The following TMEM45A variants were observed in gnomAD, a reference collection of about 807,000 sequenced individuals.
TMEM45A encodes the protein DNA polymerase-transactivated protein 4.
TMEM45A carries 25 observed loss-of-function variants against 32.0 expected under a neutral mutation model. The observed-to-expected ratio is 0.78, with a 90% CI of 0.57 to 1.09. TMEM45A has a LOEUF of 1.09. Among genes scored for constraint, TMEM45A ranks in the 50% least tolerant of loss-of-function variants. The probability of loss-of-function intolerance (pLI) is 0.00; values close to 1 mark genes in which losing one functional copy is unlikely to be tolerated. For synonymous variants in TMEM45A, 122 were observed against 114.8 expected (o/e 1.06, Z -0.40); for missense variants, 302 against 325.0 (o/e 0.93, Z 0.54).
intron 4 of TMEM45A, among the ~76,000 whole-genome samples, chr3:100,564,481 T>C (rs1243495065): frequency 6.6e-6 from 1 of 151,790 alleles, no homozygotes; most frequent in East Asian, 1.9e-4. Flanking sequence ...ATTGTTTTTT[T>C]TTTTTTTCCT....
intron 1 of TMEM45A, chr3:100,519,247 T>G: frequency 2.7e-6 from 1 of 370,622 alleles, no homozygotes; most frequent in Non-Finnish European, 5.0e-6. Context: ...CTCCCAGCAT[T>G]GTTAGCTACT....
Position 100,577,141 on chromosome 3 carries a change from A to C in TMEM45A, c.*123A>C. ...GGATGACTCTAAGTGTACTGTTTGC[A>C]TTTCCAATTTGGTTAAAGTATTTGA... On this transcript the variant is annotated 3_prime_UTR_variant, in exon 6 of 6. Coordinates refer to ENST00000323523, the MANE Select transcript of TMEM45A (RefSeq NM_018004.3). The C allele has an allele frequency of 2.9e-6, 2 of 691,910 alleles. No individual in the cohort carries two copies. The highest frequency in any genetic ancestry group is 2.3e-6 in the Non-Finnish European group (1 of 429,864). The allele number at this position is 691,910 out of a possible 1,614,324, so 42.9% of individuals were successfully genotyped here.
intron 1 of TMEM45A, among the ~76,000 whole-genome samples, chr3:100,506,841 C>G (rs1008221429): frequency 2.0e-5 from 3 of 152,112 alleles, no homozygotes; most frequent in Non-Finnish European, 4.4e-5. Context: ...GCAGTAAGGA[C>G]CAAACCAGGC....
chr3:100,534,185 T>C (rs1433917624), intron 1 of TMEM45A, among the ~76,000 whole-genome samples: 1 of 152,230 alleles, frequency 6.6e-6, no homozygotes, highest in Non-Finnish European at 1.5e-5. Context: ...AGATCCTCGG[T>C]CTGACTGTCA....
chr3:100,523,530 T>C (rs907046087), intron 1 of TMEM45A, among the ~76,000 whole-genome samples: 5 of 152,322 alleles, frequency 3.3e-5, no homozygotes, highest in East Asian at 1.9e-4. Flanking sequence ...AGAAATTCCA[T>C]TGGGTTCTGT....
intron 1 of TMEM45A, among the ~76,000 whole-genome samples, chr3:100,532,668 G>A (rs750271141): frequency 6.6e-6 from 1 of 152,250 alleles, no homozygotes; most frequent in Non-Finnish European, 1.5e-5. Flanking sequence ...TAGTTGTTAC[G>A]GTGAGTTTTT....
chr3:100,576,455 TA>T (rs536144767), intron 5 of TMEM45A, among the ~76,000 whole-genome samples: 5 of 150,336 alleles, frequency 3.3e-5, no homozygotes, highest in Non-Finnish European at 7.4e-5. Flanking sequence ...AAACTCCGTT[TA>T]AAAAAAAATA....
intron 1 of TMEM45A, among the ~76,000 whole-genome samples, chr3:100,511,442 C>T (rs1708158231): frequency 6.6e-6 from 1 of 151,150 alleles, no homozygotes. Flanking sequence ...TTGTCACCAC[C>T]AGGCCTGCCC....
At chr3:100,534,587 C>T (rs1445967906) in intron 1 of TMEM45A, among the ~76,000 whole-genome samples, 1 of 152,180 alleles carries the variant, frequency 6.6e-6, no homozygotes, top group East Asian at 1.9e-4. Flanking sequence ...GAACGTGGCC[C>T]TGCCAGCACC....
chr3:100,501,088 T>C (rs1167237435), intron 1 of TMEM45A, among the ~76,000 whole-genome samples: 1 of 152,234 alleles, frequency 6.6e-6, no homozygotes, highest in African/African-American at 2.4e-5. Context: ...AAAAATACGA[T>C]ATGCTTAAGG....
At chr3:100,495,177 T>C (rs1707905396) in intron 1 of TMEM45A, among the ~76,000 whole-genome samples, 1 of 152,132 alleles carries the variant, frequency 6.6e-6, no homozygotes. Context: ...GAGAGAGTCT[T>C]GAATGAGGAG....
intron 1 of TMEM45A, among the ~76,000 whole-genome samples, chr3:100,505,296 C>G (rs1708064022): frequency 6.6e-6 from 1 of 152,224 alleles, no homozygotes; most frequent in South Asian, 2.1e-4. Flanking sequence ...GTTCATTTAG[C>G]AACAGACAGC....
At chr3:100,540,446 A>C (rs1387689044) in intron 1 of TMEM45A, among the ~76,000 whole-genome samples, 2 of 152,236 alleles carry the variant, frequency 1.3e-5, no homozygotes, top group African/African-American at 4.8e-5. Context: ...GATGCCCATC[A>C]TCATATGTCA....
At chr3:100,515,633 A>AT (rs1708250022) in intron 1 of TMEM45A, among the ~76,000 whole-genome samples, 2 of 66,108 alleles carry the variant, frequency 3.0e-5, no homozygotes, top group African/African-American at 2.2e-4. Flanking sequence ...TATAATAATA[A>AT]AAAAAAAAAA....
intron 1 of TMEM45A, among the ~76,000 whole-genome samples, chr3:100,498,454 C>G (rs79085608): frequency 6.6e-6 from 1 of 152,332 alleles, no homozygotes; most frequent in East Asian, 1.9e-4. Flanking sequence ...TGCCTTTGAA[C>G]TTGAGACTAC....
intron 1 of TMEM45A, among the ~76,000 whole-genome samples, chr3:100,527,617 C>T (rs573641199): frequency 6.6e-6 from 1 of 152,296 alleles, no homozygotes; most frequent in East Asian, 1.9e-4. Flanking sequence ...TTCCAGATCT[C>T]TCTCCATCCT....
In TMEM45A at chr3:100,560,875, C is replaced by T. The variant is rs1227447299; in HGVS notation, c.588+2286C>T. On this transcript the variant is annotated intron_variant, in intron 4 of 5. Transcript: ENST00000323523. ...GAGGAAGCTGTGGGTTATACCTCAA[C>T]TGGGAATAGGTTGGCTTAGTGTTGC... Among the ~76,000 whole-genome samples, 7 of 152,302 alleles carry T rather than the reference C, an allele frequency of 4.6e-5. No homozygotes were observed. The East Asian group carries it at 1.3e-3, about 29-fold the overall frequency.
At chr3:100,509,669 C>A (rs1576259939) in intron 1 of TMEM45A, among the ~76,000 whole-genome samples, 1 of 152,184 alleles carries the variant, frequency 6.6e-6, no homozygotes, top group Admixed American at 6.5e-5. Context: ...GTGAGTGATG[C>A]AGAAGACAGG....
chr3:100,506,045 C>T (rs1159936472), intron 1 of TMEM45A, among the ~76,000 whole-genome samples: 2 of 152,152 alleles, frequency 1.3e-5, no homozygotes, highest in African/African-American at 4.8e-5. Flanking sequence ...TCGTACTGAC[C>T]AGCACCTGTA....
Sources: allele counts gnomAD v4.1 joint callset (sites outside exome capture counted in the v4.1 genomes callset), GRCh38; gene constraint gnomAD v4.1.1; transcripts MANE v1.5; gene names NCBI Gene and HGNC (gene_info 2026-07-23, HGNC 2026-07-21).